The following HECW1 variants were observed in gnomAD, a reference collection of about 807,000 sequenced individuals.
HECW1 encodes the protein HECT, C2 and WW domain containing E3 ubiquitin protein ligase 1.
In HECW1, 61 loss-of-function variants were observed where a neutral mutation model predicts 182.3. The ratio of observed to expected loss-of-function variants is 0.33; its 90% CI spans 0.27 to 0.41. The LOEUF (loss-of-function observed/expected upper bound fraction) is 0.41. HECW1 is among the 10% of genes least tolerant of loss of function. The pLI is 1.00. For synonymous variants in HECW1, 859 were observed against 832.6 expected, an observed-to-expected ratio of 1.03 and a Z score of -0.55; for missense variants, 1,739 against 2,108.9, an observed-to-expected ratio of 0.82 and a Z score of 3.44.
intron 7 of HECW1, among the ~76,000 whole-genome samples, chr7:43,398,820 TG>T (rs2075314086): frequency 6.6e-6 from 1 of 152,026 alleles, no homozygotes; most frequent in Non-Finnish European, 1.5e-5. Context: ...AAGGATAGTT[TG>T]GTGAGTAGGG....
chr7:43,136,772 A>G (rs1427994402), intron 2 of HECW1, among the ~76,000 whole-genome samples: 1 of 152,164 alleles, frequency 6.6e-6, no homozygotes, highest in African/African-American at 2.4e-5. Flanking sequence ...ATTGGTCAGC[A>G]TTAGCAATTC....
At chr7:43,252,907 G>A (rs536880126) in intron 3 of HECW1, among the ~76,000 whole-genome samples, 6 of 152,258 alleles carry the variant, frequency 3.9e-5, no homozygotes, top group South Asian at 4.1e-4. Flanking sequence ...ACCACCAATC[G>A]AACAAGACAA....
chr7:43,165,163 C>T (rs760693205), intron 2 of HECW1, among the ~76,000 whole-genome samples: 1 of 152,098 alleles, frequency 6.6e-6, no homozygotes, highest in Non-Finnish European at 1.5e-5. Context: ...TTTTAATTTT[C>T]CCTGGCATCT....
intron 24 of HECW1, among the ~76,000 whole-genome samples, chr7:43,521,513 C>T (rs1479902804): frequency 1.3e-5 from 2 of 152,154 alleles, no homozygotes; most frequent in African/African-American, 2.4e-5. Context: ...GTCATGGCTG[C>T]GGGTTGAATA....
chr7:43,469,151 C>T (rs1191568942), intron 16 of HECW1, 46 bp downstream of exon 16: 1 of 1,584,846 alleles, frequency 6.3e-7, no homozygotes, highest in Non-Finnish European at 8.6e-7. Flanking sequence ...AGGCTCCTTC[C>T]CCAGGGTGAA....
intron 5 of HECW1, among the ~76,000 whole-genome samples, chr7:43,326,695 A>T (rs1001449886): frequency 1.3e-5 from 2 of 152,204 alleles, no homozygotes; most frequent in Non-Finnish European, 2.9e-5. Flanking sequence ...AAATGAACAT[A>T]TTGGTGTCTT....
At chr7:43,440,716 T>G (rs2152874587) in intron 9 of HECW1, 1 of 152,352 alleles carries the variant, frequency 6.6e-6, no homozygotes, top group South Asian at 2.1e-4. Flanking sequence ...CGGGATGTCT[T>G]TGTTATGGTC....
At chr7:43,380,820 G>C (rs2074519675) in intron 6 of HECW1, among the ~76,000 whole-genome samples, 1 of 152,076 alleles carries the variant, frequency 6.6e-6, no homozygotes, top group Non-Finnish European at 1.5e-5. Flanking sequence ...TGAGCCACCA[G>C]GCCTGGCCAA....
At chr7:43,262,518 T>A (rs186495771) in intron 3 of HECW1, among the ~76,000 whole-genome samples, 1 of 152,218 alleles carries the variant, frequency 6.6e-6, no homozygotes, top group Non-Finnish European at 1.5e-5. Context: ...CTTCATGATT[T>A]TAAAACTATG....
chr7:43,205,235 C>G (rs1055401361), intron 2 of HECW1, among the ~76,000 whole-genome samples: 2 of 152,140 alleles, frequency 1.3e-5, no homozygotes, highest in African/African-American at 2.4e-5. Flanking sequence ...AGGCACCCAC[C>G]ACCATGCCCA....
At chr7:43,512,040 G>A (rs189240704) in intron 24 of HECW1, 21 of 216,308 alleles carry the variant, frequency 9.7e-5, no homozygotes, top group African/African-American at 3.6e-4. Context: ...TGCCCACAGC[G>A]TGGGCGTAGC....
intron 3 of HECW1, among the ~76,000 whole-genome samples, chr7:43,303,575 T>C (rs1037951716): frequency 6.6e-6 from 1 of 152,166 alleles, no homozygotes; most frequent in Non-Finnish European, 1.5e-5. Context: ...TAATGTTCCC[T>C]TTCAGCCAGC....
At chr7:43,206,758 G>A (rs1026729685) in intron 2 of HECW1, among the ~76,000 whole-genome samples, 12 of 152,090 alleles carry the variant, frequency 7.9e-5, no homozygotes, top group Non-Finnish European at 1.6e-4. Context: ...GAATCAAAAT[G>A]TTTGCCAGTT....
At chr7:43,237,138 G>T (rs568095527) in intron 2 of HECW1, among the ~76,000 whole-genome samples, 172 of 126,210 alleles carry the variant, frequency 1.4e-3, no homozygotes, top group African/African-American at 4.3e-3. Flanking sequence ...AGGAAGGAAG[G>T]AAGTAGGTAG....
intron 14 of HECW1, 92 bp downstream of exon 14, chr7:43,463,891 A>AC: frequency 2.1e-6 from 3 of 1,423,042 alleles, no homozygotes; most frequent in Non-Finnish European, 2.9e-6. Context: ...CATGGGGAGC[A>AC]ATGTGCCCCA....
At chr7:43,396,962 T>C in intron 7 of HECW1, 73 bp downstream of exon 7, 2 of 1,066,848 alleles carry the variant, frequency 1.9e-6, no homozygotes, top group Non-Finnish European at 2.9e-6. Flanking sequence ...CTCACTTCCA[T>C]TTCACTCTTA....
intron 6 of HECW1, among the ~76,000 whole-genome samples, chr7:43,370,204 G>C (rs1414574449): frequency 2.0e-5 from 3 of 152,144 alleles, no homozygotes; most frequent in Admixed American, 1.3e-4. Flanking sequence ...AAAACACCTG[G>C]ATAGATATCT....
At position 43,508,042 on chromosome 7, in the gene HECW1, G is replaced by A. The variant is rs1400813821; in HGVS notation, c.3777G>A (p.Leu1259=). The change falls in exon 23 of 30, where the codon TTG becomes TTA. Residue 1259 remains leucine (L), a synonymous_variant. Transcript: ENST00000395891. ...GGCTCATTATTCGCCGGGATCATTT[G>A]TTGGAGGGAACCTTCAATCAGGTGA... is the stretch of plus-strand genomic sequence containing the variant. ...KIKLIIRRDH[L]LEGTFNQVMA... The A allele has an allele frequency of 6.2e-7, 1 of 1,613,914 alleles. No individual in the cohort carries two copies. Among genetic ancestry groups the A allele is most frequent in the Non-Finnish European group, 8.5e-7 (1 of 1,179,820 alleles).
chr7:43,382,641 A>G (rs1054020168), intron 6 of HECW1, among the ~76,000 whole-genome samples: 8 of 152,230 alleles, frequency 5.3e-5, no homozygotes, highest in African/African-American at 1.9e-4. Context: ...CTAGAATAGT[A>G]TCTGTAAGAT....
Sources: allele counts gnomAD v4.1 joint callset (sites outside exome capture counted in the v4.1 genomes callset), GRCh38; gene constraint gnomAD v4.1.1; transcripts MANE v1.5; gene names NCBI Gene and HGNC (gene_info 2026-07-23, HGNC 2026-07-21).